Variants in GNAQ observed in about 807,000 individuals in gnomAD.
GNAQ encodes guanine nucleotide-binding protein G(q) subunit alpha.
Under a neutral mutation model 43.9 loss-of-function variants are expected in GNAQ, and 8 were observed. The observed-to-expected ratio is 0.18, with a 90% CI of 0.11 to 0.33. The LOEUF (loss-of-function observed/expected upper bound fraction) is 0.33. GNAQ is among the 10% of genes least tolerant of loss of function. The pLI is 1.00. For synonymous variants in GNAQ, 155 were observed against 170.7 expected (o/e 0.91, Z 0.71); for missense variants, 158 against 450.8 (o/e 0.35, Z 5.88).
chr9:77,817,755 T>C (rs762334034), intron 2 of GNAQ, among the ~76,000 whole-genome samples: 46 of 152,082 alleles, frequency 3.0e-4, no homozygotes, highest in African/African-American at 4.8e-4. Flanking sequence ...ACTGAGAATA[T>C]AGAACAGAAT....
chr9:77,995,626 G>C (rs917538760), intron 1 of GNAQ, among the ~76,000 whole-genome samples: 19 of 151,990 alleles, frequency 1.3e-4, no homozygotes, highest in African/African-American at 4.4e-4. Flanking sequence ...ATGTAGCTGG[G>C]AGCTAACTAC....
chr9:78,012,791 T>C (rs1421011792), intron 1 of GNAQ, among the ~76,000 whole-genome samples: 1 of 152,114 alleles, frequency 6.6e-6, no homozygotes, highest in African/African-American at 2.4e-5. Flanking sequence ...TTAAATGAGG[T>C]TCCTTAGGTT....
rs1484502435 is a variant in GNAQ, at chr9:77,721,224, T to C, written c.*99A>G. 1.1e-5 allele frequency: 8 copies of C among 710,606 alleles called. No homozygotes were observed. The highest frequency in any genetic ancestry group is 1.8e-5 in the South Asian group (1 of 54,124). 44.0% of individuals were successfully genotyped at this position (710,606 alleles called of 1,614,324 possible). A position where few individuals can be genotyped will look rare whatever the true frequency, so the allele number is the denominator to read the frequency against. ...ACACAGAGTCCAGGACGGCAATAAA[T>C]TAGTATTATGCAAATTGTTTTCCAC... is the stretch of plus-strand genomic sequence containing the variant. On this transcript the variant is annotated 3_prime_UTR_variant, in exon 7 of 7. Transcript: ENST00000286548.
At chr9:77,776,961 T>C (rs913384949) in intron 5 of GNAQ, among the ~76,000 whole-genome samples, 14 of 151,238 alleles carry the variant, frequency 9.3e-5, no homozygotes, top group African/African-American at 4.9e-5. Context: ...AAGAAGAATA[T>C]AGGTGAAGGA....
chr9:77,861,860 C>T (rs922949023), intron 2 of GNAQ, among the ~76,000 whole-genome samples: 11 of 151,826 alleles, frequency 7.2e-5, no homozygotes, highest in South Asian at 2.1e-4. Context: ...ATTAGCCGGG[C>T]GTGGTGGCAT....
intron 6 of GNAQ, 136 bp from the exon 7 acceptor site, chr9:77,721,649 T>G: frequency 3.3e-6 from 2 of 611,476 alleles, no homozygotes; most frequent in Non-Finnish European, 5.6e-6. Flanking sequence ...TTATAATCAT[T>G]TTCCCTAACA....
chr9:77,849,083 C>G (rs984619711), intron 2 of GNAQ, among the ~76,000 whole-genome samples: 1 of 152,130 alleles, frequency 6.6e-6, no homozygotes, highest in Admixed American at 6.5e-5. Flanking sequence ...TTATTAGGCA[C>G]TAGCACCAAG....
chr9:77,964,719 A>T (rs900128063), intron 1 of GNAQ, among the ~76,000 whole-genome samples: 1 of 152,178 alleles, frequency 6.6e-6, no homozygotes, highest in Non-Finnish European at 1.5e-5. Flanking sequence ...AAAAAAATCA[A>T]ATAGATATTA....
chr9:77,811,698 GTGC>G (rs1826929877), intron 3 of GNAQ, among the ~76,000 whole-genome samples: 1 of 152,178 alleles, frequency 6.6e-6, no homozygotes, highest in African/African-American at 2.4e-5. Context: ...AAAATGTAAA[GTGC>G]TCACTACTAA....
intron 5 of GNAQ, among the ~76,000 whole-genome samples, chr9:77,768,231 C>A (rs1826165278): frequency 6.6e-6 from 1 of 152,144 alleles, no homozygotes; most frequent in Admixed American, 6.5e-5. Context: ...TAGAAGAATT[C>A]TATGCACTTT....
At chr9:77,736,725 G>C (rs1216227515) in intron 5 of GNAQ, among the ~76,000 whole-genome samples, 1 of 151,998 alleles carries the variant, frequency 6.6e-6, no homozygotes, top group Non-Finnish European at 1.5e-5. Flanking sequence ...GAGAGACTGG[G>C]GATCAAGGAG....
intron 2 of GNAQ, among the ~76,000 whole-genome samples, chr9:77,832,348 G>C (rs1180159556): frequency 6.6e-6 from 1 of 152,152 alleles, no homozygotes; most frequent in African/African-American, 2.4e-5. Flanking sequence ...TGAATGTTAT[G>C]ATACAAAGTA....
chr9:77,941,527 G>C (rs1829315015), intron 1 of GNAQ, among the ~76,000 whole-genome samples: 1 of 152,168 alleles, frequency 6.6e-6, no homozygotes, highest in African/African-American at 2.4e-5. Flanking sequence ...GGGATTACAG[G>C]CGTGAGCCAC....
intron 1 of GNAQ, among the ~76,000 whole-genome samples, chr9:78,014,838 CAAT>C (rs1253779458): frequency 4.6e-5 from 7 of 152,316 alleles, no homozygotes; most frequent in South Asian, 2.1e-4. Flanking sequence ...ACCACATTAA[CAAT>C]GTTTCAGTCA....
chr9:77,965,079 G>C (rs1234919320), intron 1 of GNAQ, among the ~76,000 whole-genome samples: 2 of 146,712 alleles, frequency 1.4e-5, no homozygotes, highest in Non-Finnish European at 3.0e-5. Flanking sequence ...ACTCAAAAAG[G>C]CCTAATTAAA....
chr9:77,771,914 A>C (rs1485212396), intron 5 of GNAQ, among the ~76,000 whole-genome samples: 1 of 152,088 alleles, frequency 6.6e-6, no homozygotes, highest in South Asian at 2.1e-4. Context: ...AAAACAACAA[A>C]AAAAAACCCA....
chr9:78,006,723 T>C (rs1465690557), intron 1 of GNAQ, among the ~76,000 whole-genome samples: 1 of 152,206 alleles, frequency 6.6e-6, no homozygotes, highest in Non-Finnish European at 1.5e-5. Context: ...TTTAGAACTG[T>C]CTAAATGTAA....
At chr9:77,991,804 T>G (rs1823511399) in intron 1 of GNAQ, among the ~76,000 whole-genome samples, 1 of 152,194 alleles carries the variant, frequency 6.6e-6, no homozygotes, top group Admixed American at 6.5e-5. Flanking sequence ...CACTTAAAAG[T>G]GAGAACATAT....
At chr9:77,795,745 G>A (rs1826647279) in intron 4 of GNAQ, among the ~76,000 whole-genome samples, 3 of 152,186 alleles carry the variant, frequency 2.0e-5, no homozygotes, top group Non-Finnish European at 4.4e-5. Context: ...ATGCCAAGGT[G>A]TGAATAATAC....
Sources: gnomAD v4.1 joint callset for allele counts (sites outside exome capture counted in the v4.1 genomes callset) on GRCh38, gnomAD v4.1.1 for gene constraint, MANE v1.5 for transcripts, NCBI Gene and HGNC (gene_info 2026-07-23, HGNC 2026-07-21) for gene names.